RNF17: variants seen among roughly 807,000 people sequenced by gnomAD.
The protein encoded by RNF17 is ring finger protein 17.
A neutral mutation model predicts 200.5 loss-of-function variants in RNF17; 31 were observed. That is an observed-to-expected ratio of 0.15 (90% CI 0.12 to 0.21). The LOEUF (loss-of-function observed/expected upper bound fraction) is 0.21, where lower values mean the gene tolerates loss of function less well. RNF17 is among the 10% of genes least tolerant of loss of function. RNF17 has a pLI of 1.00. For missense variants in RNF17, 1,628 were observed against 1,905.1 expected (o/e 0.85, Z 2.71); for synonymous variants, 606 against 637.8 (o/e 0.95, Z 0.75).
intron 19 of RNF17, 42 bp from the exon 20 acceptor site, chr13:24,843,702 T>C (rs766651387): frequency 7.7e-5 from 91 of 1,175,020 alleles, no homozygotes; most frequent in Non-Finnish European, 9.8e-5. Context: ...CAAACAAATA[T>C]TTTGCATACA....
the RNF17 span, chr13:24,885,776 A>G: frequency 1.2e-6 from 1 of 804,586 alleles, no homozygotes; most frequent in South Asian, 1.5e-5. Flanking sequence ...GCTGTCCTTT[A>G]TCCATTAGTT....
chr13:24,775,024 C>A, intron 3 of RNF17, 120 bp downstream of exon 3: 1 of 629,718 alleles, frequency 1.6e-6, no homozygotes, highest in Non-Finnish European at 2.7e-6. Context: ...TTATGGAATG[C>A]TCTTTAAGTT....
chr13:24,812,682 CCCTT>C lies in RNF17; in HGVS notation c.2091+8254_2091+8257del, dbSNP rs1403502308. ...TGGCTCCTCCCCTCCCCGCCCCACCCCCTTTTTTTTTTTTTTTGAGACGCAGTCT... is the reference window on the plus strand; with the variant it reads ...TGGCTCCTCCCCTCCCCGCCCCACCCTTTTTTTTTTTTTGAGACGCAGTCT... On this transcript the variant is annotated intron_variant, in intron 15 of 35. Coordinates refer to ENST00000255324, the MANE Select transcript of RNF17 (RefSeq NM_031277.3). Among the ~76,000 whole-genome samples the C allele has an allele frequency of 6.3e-4, 54 of 86,178 alleles. 2 individuals are homozygous for C. Among genetic ancestry groups the C allele is most frequent in the African/African-American group, 2.2e-3 (50 of 22,746 alleles). 56.5% of individuals were successfully genotyped at this position (86,178 alleles called of 152,430 possible). A position where few individuals can be genotyped will look rare whatever the true frequency, so the allele number is the denominator to read the frequency against.
intron 34 of RNF17, 31 bp downstream of exon 34, chr13:24,877,217 A>G (rs766438359): frequency 4.5e-6 from 7 of 1,569,328 alleles, no homozygotes; most frequent in Non-Finnish European, 6.1e-6. Flanking sequence ...AAATTATTGT[A>G]AAGCTATTTC....
chr13:24,789,559 T>TA, intron 8 of RNF17, 135 bp downstream of exon 8: 1 of 887,530 alleles, frequency 1.1e-6, no homozygotes. Context: ...CAAATTAAGA[T>TA]AAGTGTAATT....
chr13:24,881,349 C>T (rs760228699), downstream of RNF17, among the ~76,000 whole-genome samples: 1 of 151,876 alleles, frequency 6.6e-6, no homozygotes. Context: ...TCATGTTGGC[C>T]AGGCTGGTCT....
At chr13:24,878,746 C>T (rs9581198) in intron 34 of RNF17, among the ~76,000 whole-genome samples, 3,189 of 151,750 alleles carry the variant, frequency 0.021, 108 homozygotes, top group African/African-American at 0.072. Flanking sequence ...GAGAGTGGGT[C>T]TTCCTCTCTG....
At chr13:24,792,433 G>A (rs2137649604) in intron 9 of RNF17, among the ~76,000 whole-genome samples, 1 of 152,206 alleles carries the variant, frequency 6.6e-6, no homozygotes, top group East Asian at 1.9e-4. Context: ...AACTTGAGAA[G>A]GAGCAGACAG....
upstream of RNF17, among the ~76,000 whole-genome samples, chr13:24,763,453 G>A (rs1469390700): frequency 1.4e-5 from 2 of 147,098 alleles, no homozygotes; most frequent in Non-Finnish European, 3.0e-5. Context: ...TCCTGACCTC[G>A]TGATCTGCCC....
intron 10 of RNF17, 60 bp downstream of exon 10, chr13:24,793,406 G>A: frequency 6.9e-7 from 1 of 1,453,816 alleles, no homozygotes; most frequent in Non-Finnish European, 9.2e-7. Flanking sequence ...GACACAGTTG[G>A]TACCTTTTTC....
intron 18 of RNF17, among the ~76,000 whole-genome samples, chr13:24,832,440 A>T (rs1037226814): frequency 4.1e-4 from 62 of 152,296 alleles, no homozygotes; most frequent in Non-Finnish European, 3.2e-4. Flanking sequence ...AGCAATTGGG[A>T]CCAAAATAGA....
intron 15 of RNF17, among the ~76,000 whole-genome samples, chr13:24,806,325 C>T (rs886525241): frequency 2.6e-5 from 4 of 152,140 alleles, no homozygotes; most frequent in Admixed American, 1.3e-4. Flanking sequence ...AATAAACATA[C>T]GTGTGTAAGT....
intron 15 of RNF17, among the ~76,000 whole-genome samples, chr13:24,818,506 ACTGT>A (rs1043644239): frequency 3.9e-5 from 6 of 152,034 alleles, no homozygotes; most frequent in African/African-American, 1.4e-4. Context: ...TTATTATTGA[ACTGT>A]CTATTTTTTC....
At position 24,789,792 on chromosome 13, in the gene RNF17, G is replaced by T; in HGVS notation, c.935+20G>T. On this transcript the variant is annotated intron_variant, in intron 9 of 35. Transcript: ENST00000255324. ...AACAAAGTAAGTATTTATAAGCATG[G>T]TAACATGCCATTAGTGTCTGACAGT... 5.3e-6 allele frequency: 7 copies of T among 1,311,056 alleles called. No individual in the cohort carries two copies. Among genetic ancestry groups the T allele is most frequent in the Non-Finnish European group, 7.7e-6 (7 of 905,516 alleles). 81.2% of individuals were successfully genotyped at this position (1,311,056 alleles called of 1,614,324 possible).
chr13:24,818,269 T>G (rs1041139275), intron 15 of RNF17, among the ~76,000 whole-genome samples: 3 of 152,208 alleles, frequency 2.0e-5, no homozygotes, highest in Non-Finnish European at 2.9e-5. Context: ...TTTTGAAATG[T>G]ATTAAGACAT....
At chr13:24,778,230 C>A in intron 3 of RNF17, 65 bp from the exon 4 acceptor site, 1 of 1,119,358 alleles carries the variant, frequency 8.9e-7, no homozygotes, top group Non-Finnish European at 1.3e-6. Context: ...CCACTGCACT[C>A]TGGCCTGGGT....
At chr13:24,777,650 G>T (rs1457866641) in intron 3 of RNF17, among the ~76,000 whole-genome samples, 1 of 152,142 alleles carries the variant, frequency 6.6e-6, no homozygotes, top group African/African-American at 2.4e-5. Context: ...GCTGGCATTT[G>T]TATATATAAA....
chr13:24,782,040 T>C (rs1593237508), intron 6 of RNF17, 96 bp downstream of exon 6: 1 of 812,736 alleles, frequency 1.2e-6, no homozygotes, highest in Non-Finnish European at 2.0e-6. Context: ...GGGTAACTTT[T>C]AAACAAGTTT....
chr13:24,825,855 G>A, intron 16 of RNF17, 83 bp downstream of exon 16: 1 of 1,464,918 alleles, frequency 6.8e-7, no homozygotes, highest in Non-Finnish European at 9.2e-7. Context: ...TTCAATCTTG[G>A]AAGTAATGTT....
Sources: allele counts gnomAD v4.1 joint callset (sites outside exome capture counted in the v4.1 genomes callset), GRCh38; gene constraint gnomAD v4.1.1; transcripts MANE v1.5; gene names NCBI Gene and HGNC (gene_info 2026-07-23, HGNC 2026-07-21).